TMEM135: variants seen among roughly 807,000 people sequenced by gnomAD.
The protein encoded by TMEM135 is peroxisomal membrane protein 52.
Under a neutral mutation model 60.3 loss-of-function variants are expected in TMEM135, and 30 were observed. That is an observed-to-expected ratio of 0.50 (90% CI 0.37 to 0.68). The LOEUF (loss-of-function observed/expected upper bound fraction) is 0.68, where lower values mean the gene tolerates loss of function less well. Among genes scored for constraint, TMEM135 ranks in the 30% least tolerant of loss-of-function variants. The probability of loss-of-function intolerance (pLI) is 0.00; values close to 1 mark genes in which losing one functional copy is unlikely to be tolerated. For synonymous variants in TMEM135, 190 were observed against 186.7 expected, an observed-to-expected ratio of 1.02 and a Z score of -0.14; for missense variants, 468 against 548.8, an observed-to-expected ratio of 0.85 and a Z score of 1.47.
Position 87,324,668 on chromosome 11 carries a change from T to G in TMEM135, c.*3335T>G, listed in dbSNP as rs1942886605. The G allele has an allele frequency of 2.2e-6, 1 of 453,192 alleles. No homozygotes were observed. The highest frequency in any genetic ancestry group is 4.4e-6 in the Non-Finnish European group (1 of 226,598). The allele number at this position is 453,192 out of a possible 1,614,324, so 28.1% of individuals were successfully genotyped here. ...CTGGTCTTAAACTCCTGGCCTCAAGTGATCCTCTTGGGTTGGCCTCCCGGG... is the reference window on the plus strand; with the variant it reads ...CTGGTCTTAAACTCCTGGCCTCAAGGGATCCTCTTGGGTTGGCCTCCCGGG... On this transcript the variant is annotated 3_prime_UTR_variant, in exon 15 of 15. Transcript: ENST00000305494.
intron 4 of TMEM135, among the ~76,000 whole-genome samples, chr11:87,129,015 GT>G (rs71040294): frequency 0.48 from 67,877 of 140,512 alleles, 15,868 homozygotes; most frequent in East Asian, 0.68. Flanking sequence ...TTTTTTTTTT[GT>G]TTTTTTTTTA....
At chr11:87,222,875 C>G (rs1428746316) in intron 5 of TMEM135, among the ~76,000 whole-genome samples, 1 of 152,016 alleles carries the variant, frequency 6.6e-6, no homozygotes, top group African/African-American at 2.4e-5. Context: ...AATCTATAAA[C>G]TGTTAAAATA....
chr11:87,129,529 C>T (rs1292474690), intron 4 of TMEM135, among the ~76,000 whole-genome samples: 3 of 145,938 alleles, frequency 2.1e-5, no homozygotes, highest in African/African-American at 7.8e-5. Context: ...AGGCGTGATC[C>T]ACCATGCTTG....
At chr11:87,236,557 A>T in intron 5 of TMEM135, 81 bp from the exon 6 acceptor site, 3 of 1,117,570 alleles carry the variant, frequency 2.7e-6, no homozygotes, top group Non-Finnish European at 4.1e-6. Flanking sequence ...CACAAGATTT[A>T]ATAGTATTTT....
chr11:87,178,397 A>G (rs906819506), intron 5 of TMEM135: 5 of 456,036 alleles, frequency 1.1e-5, no homozygotes, highest in African/African-American at 1.0e-4. Flanking sequence ...TAATTATACA[A>G]TATATGCCCT....
chr11:87,255,730 T>A (rs1320181144), intron 6 of TMEM135, among the ~76,000 whole-genome samples: 1 of 152,168 alleles, frequency 6.6e-6, no homozygotes, highest in Non-Finnish European at 1.5e-5. Flanking sequence ...TTGGCCTTCT[T>A]TCTTTATAGT....
intron 6 of TMEM135, among the ~76,000 whole-genome samples, chr11:87,284,505 A>G (rs1342980253): frequency 6.7e-6 from 1 of 148,864 alleles, no homozygotes; most frequent in Non-Finnish European, 1.5e-5. Flanking sequence ...AGGACACACC[A>G]GAAAAAAGTG....
At chr11:87,136,548 C>T (rs527301094) in intron 4 of TMEM135, among the ~76,000 whole-genome samples, 2 of 152,038 alleles carry the variant, frequency 1.3e-5, no homozygotes, top group South Asian at 4.1e-4. Context: ...TTTTCAAATT[C>T]CTAGGTGAGT....
At position 87,157,414 on chromosome 11, in the gene TMEM135, G is replaced by T; in HGVS notation, c.462+8G>T. ...ACATTAAGAAATGGAGAAGTAAGAT[G>T]AGAATTTTGATATAGTTATTAGTTG... On this transcript the variant is annotated splice_region_variant and intron_variant, in intron 5 of 14. Transcript: ENST00000305494. 1 of 1,608,964 alleles carries T rather than the reference G, an allele frequency of 6.2e-7. No individual in the cohort carries two copies. The highest frequency in any genetic ancestry group is 1.1e-5 in the South Asian group (1 of 90,884).
chr11:87,284,050 C>T (rs575964276), intron 6 of TMEM135, among the ~76,000 whole-genome samples: 1 of 152,038 alleles, frequency 6.6e-6, no homozygotes, highest in East Asian at 1.9e-4. Flanking sequence ...AATTTTGGTT[C>T]GTAGCAATGC....
At chr11:87,178,299 C>T (rs1326845052) in intron 5 of TMEM135, among the ~76,000 whole-genome samples, 2 of 152,106 alleles carry the variant, frequency 1.3e-5, no homozygotes, top group Admixed American at 6.6e-5. Flanking sequence ...TTTTTGAAGC[C>T]CTGTGCCAGG....
chr11:87,149,606 C>T (rs1938503727), intron 4 of TMEM135, among the ~76,000 whole-genome samples: 1 of 152,164 alleles, frequency 6.6e-6, no homozygotes, highest in Non-Finnish European at 1.5e-5. Context: ...TCTGTAATTT[C>T]TTCCACCTTA....
chr11:87,264,692 A>T (rs950091606), intron 6 of TMEM135, among the ~76,000 whole-genome samples: 1 of 151,886 alleles, frequency 6.6e-6, no homozygotes, highest in East Asian at 1.9e-4. Flanking sequence ...AGCTCACTGT[A>T]TATAGTCAGT....
intron 5 of TMEM135, among the ~76,000 whole-genome samples, chr11:87,201,527 A>G (rs1940093565): frequency 6.6e-6 from 1 of 152,202 alleles, no homozygotes; most frequent in South Asian, 2.1e-4. Context: ...TTGTGATTAT[A>G]CAGCTCTCTT....
chr11:87,062,416 A>ACCC (rs1207147759), intron 1 of TMEM135, among the ~76,000 whole-genome samples: 1 of 618 alleles, frequency 1.6e-3, no homozygotes, highest in Non-Finnish European at 2.2e-3. Flanking sequence ...TTTCCCCCCA[A>ACCC]GCCCCCCCCC....
intron 6 of TMEM135, among the ~76,000 whole-genome samples, chr11:87,266,298 A>AAAAG (rs1289356996): frequency 6.6e-6 from 1 of 152,188 alleles, no homozygotes; most frequent in Non-Finnish European, 1.5e-5. Context: ...TCCACAAGAG[A>AAAAG]AAAGGCTCTT....
intron 4 of TMEM135, among the ~76,000 whole-genome samples, chr11:87,126,735 A>G (rs1461528783): frequency 1.3e-5 from 2 of 152,102 alleles, no homozygotes; most frequent in Admixed American, 6.6e-5. Flanking sequence ...AAGTATAGCA[A>G]ATGCTATAGA....
At position 87,038,122 on chromosome 11, in the gene TMEM135, C is replaced by T; in HGVS notation, c.77C>T (p.Ser26Phe). ...GHTWHPSCRVSFLQITGGALE... is the reference protein window; with the variant it reads ...GHTWHPSCRVFFLQITGGALE... ...ACTTGGCACCCTTCCTGCCGGGTCT[C>T]CTTCCTGCAGATCACCGGGGGCGCC... Residue 26 changes from serine (S) to phenylalanine (F), a missense_variant, in exon 1 of 15, where the codon TCC becomes TTC. Physicochemically the swap from Ser to Phe is radical, Grantham distance 155. Transcript: ENST00000305494. The T allele has an allele frequency of 1.9e-6, 3 of 1,614,182 alleles. No homozygotes were observed. Among genetic ancestry groups the T allele is most frequent in the Non-Finnish European group, 2.5e-6 (3 of 1,180,052 alleles).
At chr11:87,075,293 G>A (rs891837804) in intron 3 of TMEM135, among the ~76,000 whole-genome samples, 3 of 152,038 alleles carry the variant, frequency 2.0e-5, no homozygotes, top group African/African-American at 7.2e-5. Flanking sequence ...CGAGTAGCTG[G>A]GACTATAGGT....
Sources: allele counts gnomAD v4.1 joint callset (sites outside exome capture counted in the v4.1 genomes callset), GRCh38; gene constraint gnomAD v4.1.1; transcripts MANE v1.5; gene names NCBI Gene and HGNC (gene_info 2026-07-23, HGNC 2026-07-21).